TANC2: variants seen among roughly 807,000 people sequenced by gnomAD.
The protein encoded by TANC2 is tetratricopeptide repeat, ankyrin repeat and coiled-coil containing 2.
TANC2 carries 26 observed loss-of-function variants against 210.5 expected under a neutral mutation model. The observed-to-expected ratio is 0.12, with a 90% CI of 0.09 to 0.17. The LOEUF (loss-of-function observed/expected upper bound fraction) is 0.17. Among genes scored for constraint, TANC2 ranks in the 10% least tolerant of loss-of-function variants. TANC2 has a pLI of 1.00. For synonymous variants in TANC2, 931 were observed against 967.1 expected (o/e 0.96, Z 0.69); for missense variants, 2,129 against 2,608.9 (o/e 0.82, Z 4.01).
At chr17:63,170,945 A>G (rs1294928755) in intron 5 of TANC2, among the ~76,000 whole-genome samples, 1 of 152,162 alleles carries the variant, frequency 6.6e-6, no homozygotes, top group African/African-American at 2.4e-5. Context: ...GAATTGCTCA[A>G]AAATTTGCCT....
intron 11 of TANC2, among the ~76,000 whole-genome samples, chr17:63,322,813 GATGTTC>G (rs1246565590): frequency 6.6e-6 from 1 of 152,198 alleles, no homozygotes; most frequent in Non-Finnish European, 1.5e-5. Context: ...GAAGTCCCAA[GATGTTC>G]ATGTTCAATA....
At chr17:63,229,577 GTAGGCTATTTATTACTA>G (rs1381005725) in intron 7 of TANC2, among the ~76,000 whole-genome samples, 41 of 150,026 alleles carry the variant, frequency 2.7e-4, no homozygotes, top group Admixed American at 2.4e-3. Flanking sequence ...TTTTTGGTTG[GTAGGCTATTTATTACTA>G]TAGGCTATTT....
chr17:63,276,082 C>T (rs2043863368), intron 9 of TANC2, among the ~76,000 whole-genome samples: 1 of 152,008 alleles, frequency 6.6e-6, no homozygotes, highest in African/African-American at 2.4e-5. Flanking sequence ...TTTTGTAATT[C>T]AGTAAAATGA....
intron 9 of TANC2, among the ~76,000 whole-genome samples, chr17:63,284,427 G>A (rs563938749): frequency 2.0e-5 from 3 of 151,880 alleles, no homozygotes; most frequent in East Asian, 3.9e-4. Flanking sequence ...TTAGTATCAT[G>A]GTAATGGGAA....
rs551687296 is a variant in TANC2, at chr17:63,276,708, A to C, written c.1159+8835A>C. The stretch of plus-strand genomic sequence containing the variant: ...CCCTTTTTTATCCCCACATTAATAG[A>C]AGGCAATGGACTTTTTAAAACACTA... On this transcript the variant is annotated intron_variant, in intron 9 of 27. Coordinates refer to ENST00000689528, the Ensembl canonical transcript of TANC2. Among the ~76,000 whole-genome samples, 39 of 152,232 alleles carry C rather than the reference A, an allele frequency of 2.6e-4. 1 individual carries two copies. In the South Asian group the frequency reaches 8.1e-3, roughly 32 times the overall value.
At chr17:63,334,542 G>T (rs59696885) in intron 11 of TANC2, among the ~76,000 whole-genome samples, 1 of 152,056 alleles carries the variant, frequency 6.6e-6, no homozygotes, top group Non-Finnish European at 1.5e-5. Context: ...ACAAAGAGGG[G>T]AATAGAAAAT....
chr17:63,394,128 T>A (rs890693637), intron 17 of TANC2, among the ~76,000 whole-genome samples: 8 of 152,170 alleles, frequency 5.3e-5, no homozygotes, highest in Non-Finnish European at 1.2e-4. Flanking sequence ...CTTCCATCAT[T>A]CCCTCAACAT....
rs200309427 is a variant in TANC2 at position 63,412,458 on chromosome 17, G to A, written c.3899-222G>A. Reference sequence around the variant, plus strand: ...ATCCTGGATCTCTGCGCTGCCGTGAGCCTTTGCTTTCCCTTGCTCTGAATG... The same window carrying A: ...ATCCTGGATCTCTGCGCTGCCGTGAACCTTTGCTTTCCCTTGCTCTGAATG... On this transcript the variant is annotated intron_variant, in intron 23 of 27. Transcript: ENST00000689528. This position sits in a 1 kb window ranked among gnomAD's most constrained non-coding sequence, Gnocchi z 4.2. Among the ~76,000 whole-genome samples, 1 of 152,292 alleles carries A rather than the reference G, an allele frequency of 6.6e-6. No individual in the cohort carries two copies. Among genetic ancestry groups the A allele is most frequent in the African/African-American group, 2.4e-5 (1 of 41,572 alleles).
intron 9 of TANC2, among the ~76,000 whole-genome samples, chr17:63,285,501 C>T (rs2044193387): frequency 1.3e-5 from 2 of 152,014 alleles, no homozygotes; most frequent in Non-Finnish European, 2.9e-5. Context: ...CAGGAGTGCC[C>T]CTCAGTTCAC....
At chr17:63,333,992 G>A (rs1009467655) in intron 11 of TANC2, 2 of 152,146 alleles carry the variant, frequency 1.3e-5, no homozygotes, top group African/African-American at 4.8e-5. Flanking sequence ...ACTTTTATAT[G>A]CACAGGGAAA....
At chr17:63,399,010 T>A (rs1478409344) in intron 19 of TANC2, 96 bp downstream of exon 19, 3 of 868,100 alleles carry the variant, frequency 3.5e-6, no homozygotes, top group Non-Finnish European at 5.3e-6. Context: ...CATTTGGCAG[T>A]CTTCTGTCTC....
At chr17:63,186,927 A>G (rs2041009915) in intron 5 of TANC2, among the ~76,000 whole-genome samples, 1 of 152,154 alleles carries the variant, frequency 6.6e-6, no homozygotes, top group Non-Finnish European at 1.5e-5. Context: ...TGTTTCTCAT[A>G]CCTCAAAGTT....
chr17:63,167,125 G>A (rs186574914), intron 5 of TANC2, among the ~76,000 whole-genome samples: 1 of 152,090 alleles, frequency 6.6e-6, no homozygotes, highest in Admixed American at 6.6e-5. Flanking sequence ...AAGAACCATT[G>A]GTTAATGGTT....
intron 9 of TANC2, among the ~76,000 whole-genome samples, chr17:63,308,553 TTTTATATA>T (rs1203392395): frequency 6.6e-6 from 1 of 152,210 alleles, no homozygotes; most frequent in Non-Finnish European, 1.5e-5. Context: ...AAATAGCCAA[TTTTATATA>T]TTTATATATT....
chr17:63,291,816 C>T (rs2044391434), intron 9 of TANC2, among the ~76,000 whole-genome samples: 1 of 152,060 alleles, frequency 6.6e-6, no homozygotes, highest in Non-Finnish European at 1.5e-5. Context: ...AGCAACCCCT[C>T]CAAGATTACA....
At chr17:63,192,880 T>G (rs776232788) in intron 5 of TANC2, among the ~76,000 whole-genome samples, 1 of 152,178 alleles carries the variant, frequency 6.6e-6, no homozygotes, top group East Asian at 1.9e-4. Context: ...AATGACTATA[T>G]CTCCGTGTTG....
chr17:62,967,832 T>TA (rs11449236), intron 1 of TANC2, among the ~76,000 whole-genome samples: 32,257 of 136,516 alleles, frequency 0.24, 3,522 homozygotes, highest in South Asian at 0.37. Flanking sequence ...GATGGTGAAA[T>TA]AAAAAAAAAA....
intron 8 of TANC2, among the ~76,000 whole-genome samples, chr17:63,239,385 C>A (rs1291902586): frequency 1.3e-5 from 2 of 152,140 alleles, no homozygotes; most frequent in East Asian, 3.9e-4. Flanking sequence ...GTTATGTTTG[C>A]TTCTCTTACT....
At chr17:63,266,490 A>G (rs1290767414) in intron 8 of TANC2, among the ~76,000 whole-genome samples, 1 of 152,204 alleles carries the variant, frequency 6.6e-6, no homozygotes, top group Non-Finnish European at 1.5e-5. Context: ...ACTTACTGTC[A>G]TAATTCTTGT....
Sources: allele counts gnomAD v4.1 joint callset (sites outside exome capture counted in the v4.1 genomes callset), GRCh38; gene constraint gnomAD v4.1.1; non-coding constraint Gnocchi (gnomAD v3.1); transcripts MANE v1.5; gene names NCBI Gene and HGNC (gene_info 2026-07-23, HGNC 2026-07-21).